Variants in PTPA observed in about 807,000 individuals in gnomAD.
The protein encoded by PTPA is protein phosphatase 2 phosphatase activator, also known as serine/threonine-protein phosphatase 2A activator.
A neutral mutation model predicts 43.6 loss-of-function variants in PTPA; 13 were observed. The observed-to-expected ratio is 0.30, with a 90% CI of 0.19 to 0.47. PTPA has a LOEUF of 0.47. Among genes scored for constraint, PTPA ranks in the 20% least tolerant of loss-of-function variants. The pLI is 0.99. For synonymous variants in PTPA, 172 were observed against 158.2 expected (o/e 1.09, Z -0.66); for missense variants, 329 against 411.9 (o/e 0.80, Z 1.74).
chr9:129,111,479 G>C lies in PTPA; in HGVS notation c.-122G>C, dbSNP rs138663606. ...CTCGGTTTTCGGTTATAGCCGGCCG[G>C]CGCTCACTTGTCTTCAGGAAGCTCG... is the stretch of plus-strand genomic sequence containing the variant. On this transcript the variant is annotated 5_prime_UTR_variant, in exon 1 of 10. Transcript: ENST00000393370. 1 of 1,263,162 alleles carries C rather than the reference G, an allele frequency of 7.9e-7. No homozygotes were observed. The highest frequency in any genetic ancestry group is 3.1e-5 in the East Asian group (1 of 31,764). The allele number at this position is 1,263,162 out of a possible 1,614,324, so 78.2% of individuals were successfully genotyped here. A position where few individuals can be genotyped will look rare whatever the true frequency, so the allele number is the denominator to read the frequency against.
chr9:129,143,679 C>T (rs1041411102), intron 9 of PTPA: 22 of 485,652 alleles, frequency 4.5e-5, no homozygotes, highest in Non-Finnish European at 6.4e-5. Flanking sequence ...GGTCCCCTTC[C>T]TCTGGACCTC....
rs552854013 is a variant in PTPA at position 129,142,808 on chromosome 9, G to A, written c.894+256G>A. The A allele has an allele frequency of 2.2e-4, 333 of 1,535,346 alleles. 4 individuals carry two copies. The South Asian group carries it at 3.8e-3, about 17-fold the overall frequency. On this transcript the variant is annotated intron_variant, in intron 9 of 9. Transcript: ENST00000393370. ...TGTCCTGATGAGCTTGGAGGCTGAG[G>A]CAAGGACCTGCTGCATGGGGAGTGG... is the stretch of plus-strand genomic sequence containing the variant.
intron 9 of PTPA, chr9:129,142,897 C>T: frequency 1.3e-6 from 2 of 1,492,598 alleles, no homozygotes; most frequent in Non-Finnish European, 8.9e-7. Flanking sequence ...CTCGGGCAGT[C>T]TGAGTCTGGC....
intron 9 of PTPA, among the ~76,000 whole-genome samples, chr9:129,144,939 G>A (rs530185717): frequency 2.0e-4 from 31 of 151,866 alleles, no homozygotes; most frequent in East Asian, 3.9e-4. Flanking sequence ...AGGCTGAGAC[G>A]GGAGAATCGC....
chr9:129,124,062 G>A (rs776046273), intron 3 of PTPA, among the ~76,000 whole-genome samples: 7 of 152,184 alleles, frequency 4.6e-5, no homozygotes, highest in Non-Finnish European at 1.0e-4. Context: ...TAATAGACAT[G>A]TGTATGACAT....
Position 129,142,512 on chromosome 9 carries a change from C to A in PTPA, c.854C>A (p.Ser285Tyr), listed in dbSNP as rs759936481. ...AACATCAGCGCCGTCCCTTCCTGGT[C>A]CAAAGTGAACCAGGGTCTCATCCGC... ...LWNISAVPSWSKVNQGLIRMY... is the reference protein window; with the variant it reads ...LWNISAVPSWYKVNQGLIRMY... Residue 285 changes from serine (S) to tyrosine (Y), a missense_variant, in exon 9 of 10, where the codon TCC (serine) becomes TAC (tyrosine). By Grantham distance (144) the Ser-to-Tyr change is moderately radical. Transcript: ENST00000393370. The A allele has an allele frequency of 1.2e-6, 2 of 1,613,666 alleles. No homozygotes were observed. The highest frequency in any genetic ancestry group is 2.7e-5 in the African/African-American group (2 of 74,896).
intron 8 of PTPA, among the ~76,000 whole-genome samples, chr9:129,138,491 G>C (rs713218): frequency 0.59 from 90,286 of 152,028 alleles, 28,766 homozygotes; most frequent in Non-Finnish European, 0.7. Flanking sequence ...TCTTGAGGGA[G>C]GTGTTAGGAC....
At chr9:129,125,090 T>A (rs1038046287) in intron 3 of PTPA, among the ~76,000 whole-genome samples, 2 of 151,640 alleles carry the variant, frequency 1.3e-5, no homozygotes, top group Admixed American at 1.3e-4. Flanking sequence ...AAAGAGGGGG[T>A]TCCTCCTGGA....
intron 5 of PTPA, among the ~76,000 whole-genome samples, chr9:129,133,497 A>G (rs1225954629): frequency 6.6e-6 from 1 of 152,212 alleles, no homozygotes; most frequent in African/African-American, 2.4e-5. Flanking sequence ...CGTCCTCCAG[A>G]GACAGGACAG....
rs1851416300 is a variant in PTPA, at chr9:129,148,098, G to GC, written c.*636dup. The GC allele has an allele frequency of 6.5e-6, 1 of 154,078 alleles. No homozygotes were observed. Among genetic ancestry groups the GC allele is most frequent in the Admixed American group, 6.5e-5 (1 of 15,412 alleles). The allele number at this position is 154,078 out of a possible 1,614,324, so 9.5% of individuals were successfully genotyped here. On this transcript the variant is annotated 3_prime_UTR_variant, in exon 10 of 10. Transcript: ENST00000393370. Reference sequence around the variant, plus strand: ...TGGGCCTGAGGCCCCCTGTGTCCAAGCCTCCCCCTGGCTCTTCAGTTCTCT... The same window carrying GC: ...TGGGCCTGAGGCCCCCTGTGTCCAAGCCCTCCCCCTGGCTCTTCAGTTCTCT...
intron 9 of PTPA, among the ~76,000 whole-genome samples, chr9:129,146,033 C>A (rs117689523): frequency 6.6e-6 from 1 of 151,378 alleles, no homozygotes; most frequent in Admixed American, 6.6e-5. Context: ...CACCCCTTCT[C>A]GCCTTGCAAC....
At position 129,145,698 on chromosome 9, in the gene PTPA, C is replaced by G. The variant is rs562470120; in HGVS notation, c.895-1689C>G. Among the ~76,000 whole-genome samples the G allele has an allele frequency of 3.9e-5, 6 of 152,268 alleles. 1 individual carries two copies. Among genetic ancestry groups the G allele is most frequent in the African/African-American group, 1.4e-4 (6 of 41,566 alleles). On this transcript the variant is annotated intron_variant, in intron 9 of 9. Coordinates refer to ENST00000393370, the MANE Select transcript of PTPA (RefSeq NM_178000.3). ...CTTTCTGACCGAAGAACCAAGTGCTCTCAGGGGCCTTGTGTGGTTGCGGGG... is the reference window on the plus strand; with the variant it reads ...CTTTCTGACCGAAGAACCAAGTGCTGTCAGGGGCCTTGTGTGGTTGCGGGG...
chr9:129,139,232 G>T (rs1308850618), intron 8 of PTPA: 1 of 152,230 alleles, frequency 6.6e-6, no homozygotes, highest in Non-Finnish European at 1.5e-5. Flanking sequence ...TTAGTTGGTT[G>T]GTTGATTTTG....
Position 129,115,375 on chromosome 9 carries a change from A to T in PTPA, c.31+3744A>T, listed in dbSNP as rs562205005. On this transcript the variant is annotated intron_variant, in intron 1 of 9. Transcript: ENST00000393370. ...TGGGGCCTTGGTTTGAGTTAGGCAG[A>T]GATTTGTCTTTCTCTAAACTCAGGT... Among the ~76,000 whole-genome samples, 8 of 152,288 alleles carry T rather than the reference A, an allele frequency of 5.3e-5. No homozygotes were observed. In the South Asian group the frequency reaches 1.7e-3, roughly 32 times the overall value.
At chr9:129,111,690 G>C in intron 1 of PTPA, 59 bp downstream of exon 1, 1 of 1,257,646 alleles carries the variant, frequency 8.0e-7, no homozygotes, top group Non-Finnish European at 1.0e-6. Context: ...GGTGCCAGGT[G>C]TGGGAGGCTC....
chr9:129,122,994 T>C, intron 2 of PTPA, 58 bp from the exon 3 acceptor site: 1 of 1,354,742 alleles, frequency 7.4e-7, no homozygotes, highest in Non-Finnish European at 1.0e-6. Context: ...TCGGGGCAGG[T>C]GGGGCGGGGG....
intron 8 of PTPA, chr9:129,139,345 C>T (rs1281195492): frequency 6.6e-6 from 1 of 152,238 alleles, no homozygotes; most frequent in Non-Finnish European, 1.5e-5. Flanking sequence ...GCACACTGAA[C>T]TTGGAGAGGG....
At chr9:129,111,008 C>T (rs1233961721), upstream of PTPA, 2 of 1,370,722 alleles carry the variant, frequency 1.5e-6, no homozygotes, top group Non-Finnish European at 2.0e-6. Context: ...TCCCCTGTCC[C>T]CACATGTCTT....
intron 1 of PTPA, among the ~76,000 whole-genome samples, chr9:129,113,843 T>G (rs1219029255): frequency 6.6e-6 from 1 of 152,016 alleles, no homozygotes; most frequent in Non-Finnish European, 1.5e-5. Context: ...CAACCACTGT[T>G]ATCAGTGAGA....
Sources: gnomAD v4.1 joint callset for allele counts (sites outside exome capture counted in the v4.1 genomes callset) on GRCh38, gnomAD v4.1.1 for gene constraint, MANE v1.5 for transcripts, NCBI Gene and HGNC (gene_info 2026-07-23, HGNC 2026-07-21) for gene names.